The following TRPM8 variants were observed in gnomAD, a reference collection of about 807,000 sequenced individuals.
The protein encoded by TRPM8 is TRPM8 cationic channel.
TRPM8 carries 110 observed loss-of-function variants against 133.7 expected under a neutral mutation model. That is an observed-to-expected ratio of 0.82 (90% CI 0.70 to 0.96). The LOEUF is 0.96. TRPM8 is among the 40% of genes least tolerant of loss of function. The pLI is 0.00. For synonymous variants in TRPM8, 535 were observed against 532.3 expected (o/e 1.01, Z -0.07); for missense variants, 1,291 against 1,379.5 (o/e 0.94, Z 1.02).
At chr2:233,954,517 G>A (rs1691245554) in intron 10 of TRPM8, among the ~76,000 whole-genome samples, 1 of 152,176 alleles carries the variant, frequency 6.6e-6, no homozygotes, top group South Asian at 2.1e-4. Flanking sequence ...ATTCCGTAAA[G>A]TGGATGTTAC....
At chr2:233,992,851 G>A (rs1391161324) in intron 21 of TRPM8, among the ~76,000 whole-genome samples, 2 of 152,180 alleles carry the variant, frequency 1.3e-5, no homozygotes, top group East Asian at 3.9e-4. Flanking sequence ...TTTGCTGAGG[G>A]GGTGTGCACG....
chr2:233,964,008 A>T (rs188231578), intron 13 of TRPM8, among the ~76,000 whole-genome samples: 2 of 152,234 alleles, frequency 1.3e-5, no homozygotes, highest in East Asian at 3.9e-4. Flanking sequence ...TTATATGGTA[A>T]TTCTATGTTC....
chr2:233,996,468 T>C lies in TRPM8; in HGVS notation c.3082T>C (p.Cys1028Arg). Residue 1028 changes from cysteine (C) to arginine (R), a missense_variant, in exon 22 of 26, where the codon TGC becomes CGC. Physicochemically the swap from Cys to Arg is radical, Grantham distance 180. Around this residue, in one of 2 missense-constraint regions of TRPM8, gnomAD observed 328 missense variants for 410.6 expected, o/e 0.80. Transcript: ENST00000324695. ...TTACTTCTACATGGTGGTGAAGAAG[T>C]GCTTCAAGTGTTGCTGCAAGGAGAA... is the stretch of plus-strand genomic sequence containing the variant. ...FAYFYMVVKK[C>R]FKCCCKEKNM... 6.2e-7 allele frequency: 1 copy of C among 1,614,196 alleles called. No individual in the cohort carries two copies. The highest frequency in any genetic ancestry group is 8.5e-7 in the Non-Finnish European group (1 of 1,180,030).
At chr2:234,005,809 G>T (rs1692678572) in intron 22 of TRPM8, among the ~76,000 whole-genome samples, 1 of 152,020 alleles carries the variant, frequency 6.6e-6, no homozygotes, top group South Asian at 2.1e-4. Context: ...TGCTTGGGAG[G>T]CTGAGGCAGG....
In TRPM8 at chr2:233,926,628, A is replaced by G; in HGVS notation, c.91A>G (p.Ser31Gly). 1 of 1,614,122 alleles carries G rather than the reference A, an allele frequency of 6.2e-7. No homozygotes were observed. Among genetic ancestry groups the G allele is most frequent in the East Asian group, 2.2e-5 (1 of 44,880 alleles). Residue 31 changes from serine to glycine, a missense_variant, in exon 2 of 26, where the codon AGC (serine) becomes GGC (glycine). Around this residue, in one of 2 missense-constraint regions of TRPM8, gnomAD observed 963 missense variants for 968.9 expected, o/e 0.99. Coordinates refer to ENST00000324695, the MANE Select transcript of TRPM8 (RefSeq NM_024080.5). ...TRTLYSSASR[S>G]TDLSYSESDL... The stretch of plus-strand genomic sequence containing the variant: ...GACCCTGTACTCCAGCGCGTCTCGG[A>G]GCACAGACTTGTCTTACAGTGAAAG...
At position 233,955,016 on chromosome 2, in the gene TRPM8, G is replaced by A. The variant is rs1459935655; in HGVS notation, c.1244-116G>A. 2.2e-5 allele frequency: 16 copies of A among 720,002 alleles called. No individual in the cohort carries two copies. In the Admixed American group the frequency reaches 3.6e-4, roughly 16 times the overall value. 44.6% of individuals were successfully genotyped at this position (720,002 alleles called of 1,614,324 possible). On this transcript the variant is annotated intron_variant, in intron 10 of 25. Coordinates refer to ENST00000324695, the MANE Select transcript of TRPM8 (RefSeq NM_024080.5). ...TGACAGTTTGAGTGTCTGAATGTAA[G>A]AGAACATGATCAGCATTACCTGTGA...
At chr2:233,919,449 A>G (rs917373965) in intron 1 of TRPM8, among the ~76,000 whole-genome samples, 4 of 152,068 alleles carry the variant, frequency 2.6e-5, no homozygotes, top group African/African-American at 9.7e-5. Context: ...AATGTTTAAG[A>G]TTGGGTCTCA....
chr2:234,018,367 C>A lies in TRPM8; in HGVS notation c.*1111C>A, dbSNP rs964420823. On this transcript the variant is annotated 3_prime_UTR_variant, in exon 26 of 26. Coordinates refer to ENST00000324695, the MANE Select transcript of TRPM8 (RefSeq NM_024080.5). ...GGATGAGCATCTTTGTGCATGAATC[C>A]TATTGCTGTATTTGGGAAAATTTTC... is the stretch of plus-strand genomic sequence containing the variant. The A allele has an allele frequency of 6.6e-6, 1 of 151,768 alleles. No individual in the cohort carries two copies. The highest frequency in any genetic ancestry group is 6.6e-5 in the Admixed American group (1 of 15,234). The allele number at this position is 151,768 out of a possible 1,614,324, so 9.4% of individuals were successfully genotyped here.
intron 17 of TRPM8, among the ~76,000 whole-genome samples, chr2:233,974,500 G>T (rs895081200): frequency 3.3e-5 from 5 of 152,158 alleles, no homozygotes; most frequent in African/African-American, 1.2e-4. Flanking sequence ...CCAAAGTGCC[G>T]GGATTATAGG....
At chr2:233,940,845 A>G (rs1024424520) in intron 5 of TRPM8, among the ~76,000 whole-genome samples, 1 of 152,222 alleles carries the variant, frequency 6.6e-6, no homozygotes, top group Non-Finnish European at 1.5e-5. Flanking sequence ...GATTAGGGAT[A>G]TTTAAGGAGT....
rs1233346415 is a variant in TRPM8, at chr2:233,953,962, A to G, written c.1186A>G (p.Met396Val). The G allele has an allele frequency of 1.9e-6, 3 of 1,613,968 alleles. No homozygotes were observed. The highest frequency in any genetic ancestry group is 1.7e-6 in the Non-Finnish European group (2 of 1,179,980). ...ECSHLLTVIK[M>V]EEAGDEIVSN... ...TTCTCACCTATTAACAGTTATTAAA[A>G]TGGAAGAAGCTGGGGATGAAATTGT... Residue 396 changes from methionine (M) to valine (V), a missense_variant, in exon 10 of 26, where the codon ATG (methionine) becomes GTG (valine). This residue lies in a region of TRPM8 where 963 missense variants were observed against 968.9 expected (regional missense o/e 0.99). Transcript: ENST00000324695.
chr2:234,008,386 T>C (rs1692749622), intron 24 of TRPM8, among the ~76,000 whole-genome samples: 1 of 152,212 alleles, frequency 6.6e-6, no homozygotes, highest in Non-Finnish European at 1.5e-5. Context: ...CAGGTGAAGA[T>C]GCTTACAATT....
chr2:233,941,487 A>T (rs529446228), intron 5 of TRPM8, among the ~76,000 whole-genome samples: 1 of 152,278 alleles, frequency 6.6e-6, no homozygotes, highest in East Asian at 1.9e-4. Flanking sequence ...ATTGTTCCTC[A>T]TTTCTGAGGC....
Position 234,008,554 on chromosome 2 carries a change from G to A in TRPM8, c.3264+451G>A, listed in dbSNP as rs538230778. The stretch of plus-strand genomic sequence containing the variant: ...CACCAGGCATAGACAGAGTGTGTCT[G>A]CCCTCACTCTGAGCTGGGTAGCTGA... On this transcript the variant is annotated intron_variant, in intron 24 of 25. Transcript: ENST00000324695. Among the ~76,000 whole-genome samples, 9 of 152,320 alleles carry A rather than the reference G, an allele frequency of 5.9e-5. No individual in the cohort carries two copies. The South Asian group carries it at 6.2e-4, about 11-fold the overall frequency.
intron 9 of TRPM8, among the ~76,000 whole-genome samples, chr2:233,953,442 A>C (rs1272976522): frequency 6.6e-6 from 1 of 152,236 alleles, no homozygotes; most frequent in Admixed American, 6.5e-5. Context: ...CATTACAGAA[A>C]AATAACAAAG....
At chr2:234,015,544 TGCAGAAATTCCTATTCATG>T (rs1692937698) in intron 25 of TRPM8, among the ~76,000 whole-genome samples, 1 of 152,208 alleles carries the variant, frequency 6.6e-6, no homozygotes, top group Non-Finnish European at 1.5e-5. Context: ...GTACTTAAGC[TGCAGAAATTCCTATTCATG>T]GGGTGATTGT....
At chr2:233,963,214 T>TC (rs1691481965) in intron 12 of TRPM8, 68 bp from the exon 13 acceptor site, 6 of 1,064,678 alleles carry the variant, frequency 5.6e-6, no homozygotes, top group Non-Finnish European at 7.1e-6. Flanking sequence ...TGGGCTACTC[T>TC]CCTAGGGCTT....
chr2:233,985,576 G>T, intron 20 of TRPM8, 112 bp from the exon 21 acceptor site: 1 of 1,017,750 alleles, frequency 9.8e-7, no homozygotes, highest in South Asian at 1.5e-5. Context: ...TGCCTTAGAC[G>T]AAGGCCTAAG....
intron 23 of TRPM8, 127 bp from the exon 24 acceptor site, chr2:234,007,943 T>C: frequency 1.0e-6 from 1 of 956,060 alleles, no homozygotes; most frequent in East Asian, 2.5e-5. Context: ...TGATTCTTGA[T>C]TTAGCTAAGA....
Sources: allele counts gnomAD v4.1 joint callset (sites outside exome capture counted in the v4.1 genomes callset), GRCh38; gene constraint gnomAD v4.1.1; regional missense constraint gnomAD v4.1.1; transcripts MANE v1.5; gene names NCBI Gene and HGNC (gene_info 2026-07-23, HGNC 2026-07-21).